Variants in CDKN1B observed in about 807,000 individuals in gnomAD.
The protein encoded by CDKN1B is cyclin dependent kinase inhibitor 1B.
Under a neutral mutation model 17.1 loss-of-function variants are expected in CDKN1B, and 7 were observed. That is an observed-to-expected ratio of 0.41 (90% CI 0.23 to 0.77). CDKN1B has a LOEUF of 0.77. Ranked by LOEUF, CDKN1B falls within the 30% of genes least tolerant of loss-of-function variation. The pLI is 0.33. For synonymous variants in CDKN1B, 149 were observed against 104.3 expected, an observed-to-expected ratio of 1.43 and a Z score of -2.61; for missense variants, 337 against 262.0, an observed-to-expected ratio of 1.29 and a Z score of -1.98.
In CDKN1B at chr12:12,717,895, G is replaced by A. The variant is rs1946487134; in HGVS notation, c.56G>A (p.Arg19Lys). The A allele has an allele frequency of 6.2e-7, 1 of 1,614,088 alleles. No individual in the cohort carries two copies. Among genetic ancestry groups the A allele is most frequent in the Non-Finnish European group, 8.5e-7 (1 of 1,180,032 alleles). Residue 19 changes from arginine to lysine, a missense_variant, in exon 1 of 3, where the codon AGG becomes AAG. Physicochemically the swap from Arg to Lys is conservative, Grantham distance 26. Transcript: ENST00000228872. Reference sequence around the variant, plus strand: ...CCTAGCCTGGAGCGGATGGACGCCAGGCAGGCGGAGCACCCCAAGCCCTCG... The same window carrying A: ...CCTAGCCTGGAGCGGATGGACGCCAAGCAGGCGGAGCACCCCAAGCCCTCG... The part of the protein sequence containing the change: ...GSPSLERMDA[R>K]QAEHPKPSAC...
chr12:12,717,693 G>A lies in CDKN1B; in HGVS notation c.-147G>A. ...CCTGCGCGCTCCTAGAGCTCGGGCC[G>A]TGGCTCGTCGGGGTCTGTGTCTTTT... On this transcript the variant is annotated 5_prime_UTR_variant, in exon 1 of 3. It adds an upstream start codon to the 5' untranslated region. Coordinates refer to ENST00000228872, the MANE Select transcript of CDKN1B (RefSeq NM_004064.5). 2 of 1,536,426 alleles carry A rather than the reference G, an allele frequency of 1.3e-6. No individual in the cohort carries two copies. The highest frequency in any genetic ancestry group is 1.7e-6 in the Non-Finnish European group (2 of 1,149,600).
In CDKN1B at chr12:12,718,038, C is replaced by G. The variant is rs867208075; in HGVS notation, c.199C>G (p.His67Asp). Residue 67 changes from histidine (H) to aspartate (D), a missense_variant, in exon 1 of 3, where the codon CAC becomes GAC. Coordinates refer to ENST00000228872, the MANE Select transcript of CDKN1B (RefSeq NM_004064.5). ...CAAGTGGAATTTCGATTTTCAGAAT[C>G]ACAAACCCCTAGAGGGCAAGTACGA... ...QRKWNFDFQN[H>D]KPLEGKYEWQ... The G allele has an allele frequency of 3.7e-6, 6 of 1,614,248 alleles. No homozygotes were observed. The Middle Eastern group carries it at 6.6e-4, about 178-fold the overall frequency.
chr12:12,719,140 A>T, intron 2 of CDKN1B, 186 bp downstream of exon 2: 1 of 672,102 alleles, frequency 1.5e-6, no homozygotes, highest in East Asian at 2.9e-5. Context: ...TTCTATGCCC[A>T]GAGATACTTT....
chr12:12,718,368 G>A (rs1946502026), intron 1 of CDKN1B, 54 bp downstream of exon 1: 2 of 1,490,938 alleles, frequency 1.3e-6, no homozygotes. Flanking sequence ...TTTGCCTGCT[G>A]GAGGGTGTTA....
intron 2 of CDKN1B, 145 bp downstream of exon 2, chr12:12,719,099 G>A: frequency 1.1e-6 from 1 of 909,322 alleles, no homozygotes. Context: ...TAGCAATGGG[G>A]AAGGCTGGGG....
chr12:12,718,404 C>G, intron 1 of CDKN1B, 90 bp downstream of exon 1: 1 of 1,199,922 alleles, frequency 8.3e-7, no homozygotes, highest in South Asian at 1.3e-5. Context: ...TCGGCGTATT[C>G]TGATTTAGCT....
At position 12,721,662 on chromosome 12, in the gene CDKN1B, C is replaced by T. The variant is rs1369364588; in HGVS notation, c.*635C>T. 6.6e-6 allele frequency: 1 copy of T among 152,492 alleles called. No individual in the cohort carries two copies. The highest frequency in any genetic ancestry group is 6.5e-5 in the Admixed American group (1 of 15,296). 9.4% of individuals were successfully genotyped at this position (152,492 alleles called of 1,614,324 possible). The stretch of plus-strand genomic sequence containing the variant: ...TAAAAAAGCAACAGAAACCTATCCT[C>T]ACTGCCCTCCCCAGTCTCTCTTAAA... On this transcript the variant is annotated 3_prime_UTR_variant, in exon 3 of 3. Transcript: ENST00000228872.
At chr12:12,718,776 T>G (rs1565419948) in intron 1 of CDKN1B, 49 bp from the exon 2 acceptor site, 1 of 1,611,824 alleles carries the variant, frequency 6.2e-7, no homozygotes, top group South Asian at 1.1e-5. Context: ...GCCATTGTTT[T>G]TTCTAATAAA....
In CDKN1B at chr12:12,722,150, A is replaced by C. The variant is rs1445668056; in HGVS notation, c.*1123A>C. ...ATTATACTAACTTATTTATGTTAAAAGATTTTTTTTAATCTAGACAATATA... is the reference window on the plus strand; with the variant it reads ...ATTATACTAACTTATTTATGTTAAACGATTTTTTTTAATCTAGACAATATA... On this transcript the variant is annotated 3_prime_UTR_variant, in exon 3 of 3. Transcript: ENST00000228872. 1 of 152,626 alleles carries C rather than the reference A, an allele frequency of 6.6e-6. No individual in the cohort carries two copies. Among genetic ancestry groups the C allele is most frequent in the African/African-American group, 2.4e-5 (1 of 41,456 alleles). 9.5% of individuals were successfully genotyped at this position (152,626 alleles called of 1,614,324 possible).
At chr12:12,718,362 C>A (rs1188124810) in intron 1 of CDKN1B, 48 bp downstream of exon 1, 6 of 1,519,292 alleles carry the variant, frequency 3.9e-6, no homozygotes, top group Non-Finnish European at 5.4e-6. Context: ...CCCCGCTTTG[C>A]CTGCTGGAGG....
chr12:12,717,907 A>T lies in CDKN1B; in HGVS notation c.68A>T (p.His23Leu). 6.2e-7 allele frequency: 1 copy of T among 1,613,914 alleles called. No homozygotes were observed. The highest frequency in any genetic ancestry group is 8.5e-7 in the Non-Finnish European group (1 of 1,180,018). ...CGGATGGACGCCAGGCAGGCGGAGC[A>T]CCCCAAGCCCTCGGCCTGCAGGAAC... ...LERMDARQAE[H>L]PKPSACRNLF... The change falls in exon 1 of 3, where the codon CAC becomes CTC. Residue 23 changes from histidine to leucine, a missense_variant. His to Leu is a moderately conservative substitution (Grantham distance 99, BLOSUM62 -3). Coordinates refer to ENST00000228872, the MANE Select transcript of CDKN1B (RefSeq NM_004064.5).
At chr12:12,719,111 T>G in intron 2 of CDKN1B, 157 bp downstream of exon 2, 1 of 829,726 alleles carries the variant, frequency 1.2e-6, no homozygotes, top group South Asian at 1.6e-5. Flanking sequence ...AGGCTGGGGA[T>G]ACGGTAATTC....
rs1327001224 is a variant in CDKN1B at position 12,717,703 on chromosome 12, G to C, written c.-137G>C. On this transcript the variant is annotated 5_prime_UTR_variant, in exon 1 of 3. Transcript: ENST00000228872. Reference sequence around the variant, plus strand: ...CCTAGAGCTCGGGCCGTGGCTCGTCGGGGTCTGTGTCTTTTGGCTCCGAGG... The same window carrying C: ...CCTAGAGCTCGGGCCGTGGCTCGTCCGGGTCTGTGTCTTTTGGCTCCGAGG... 4.8e-5 allele frequency: 75 copies of C among 1,546,540 alleles called. No homozygotes were observed. In the East Asian group the frequency reaches 8.7e-4, roughly 18 times the overall value.
rs751288223 is a variant in CDKN1B, at chr12:12,718,121, C to T, written c.282C>T (p.Pro94=). ...LPEFYYRPPR[P]PKGACKVPAQ... ...AGTTCTACTACAGACCCCCGCGGCC[C>T]CCCAAAGGTGCCTGCAAGGTGCCGG... Residue 94 remains proline, a synonymous_variant, in exon 1 of 3, where the codon CCC becomes CCT. Coordinates refer to ENST00000228872, the MANE Select transcript of CDKN1B (RefSeq NM_004064.5). The T allele has an allele frequency of 1.4e-5, 23 of 1,614,084 alleles. No homozygotes were observed. In the Admixed American group the frequency reaches 1.7e-4, roughly 12 times the overall value.
chr12:12,719,998 C>T (rs777690784), intron 2 of CDKN1B, among the ~76,000 whole-genome samples: 1 of 151,964 alleles, frequency 6.6e-6, no homozygotes, highest in Non-Finnish European at 1.5e-5. Flanking sequence ...TTTTTAAATC[C>T]CCAGTTATAA....
In CDKN1B at chr12:12,721,155, G is replaced by C; in HGVS notation, c.*128G>C. ...TTCATGGAATGGACATCCTGTATAA[G>C]CACTGAAAAACAACAACACAATAAC... On this transcript the variant is annotated 3_prime_UTR_variant, in exon 3 of 3. Transcript: ENST00000228872. 1 of 774,700 alleles carries C rather than the reference G, an allele frequency of 1.3e-6. No homozygotes were observed. The highest frequency in any genetic ancestry group is 1.4e-5 in the South Asian group (1 of 73,198). The allele number at this position is 774,700 out of a possible 1,614,324, so 48.0% of individuals were successfully genotyped here. A position where few individuals can be genotyped will look rare whatever the true frequency, so the allele number is the denominator to read the frequency against.
At chr12:12,718,543 G>T (rs546247340) in intron 1 of CDKN1B, among the ~76,000 whole-genome samples, 9 of 152,198 alleles carry the variant, frequency 5.9e-5, no homozygotes, top group African/African-American at 2.2e-4. Context: ...AATACATCGC[G>T]GTCCCTCTCA....
rs753943702 is a variant in CDKN1B, at chr12:12,718,872, T to C, written c.523T>C (p.Ser175Pro). The change falls in exon 2 of 3, where the codon TCA (serine) becomes CCA (proline). Residue 175 changes from serine (S) to proline (P), a missense_variant. Ser to Pro is a moderately conservative substitution (Grantham distance 74, BLOSUM62 -1). Coordinates refer to ENST00000228872, the MANE Select transcript of CDKN1B (RefSeq NM_004064.5). ...KRANRTEENV[S>P]DGSPNAGSVE... ...AGCCAACAGAACAGAAGAAAATGTT[T>C]CAGACGGTTCCCCAAATGCCGGTTC... is the stretch of plus-strand genomic sequence containing the variant. 2.5e-6 allele frequency: 4 copies of C among 1,614,172 alleles called. No individual in the cohort carries two copies. Among genetic ancestry groups the C allele is most frequent in the African/African-American group, 1.3e-5 (1 of 75,044 alleles).
chr12:12,720,733 T>G (rs1391402257), intron 2 of CDKN1B, among the ~76,000 whole-genome samples: 1 of 152,136 alleles, frequency 6.6e-6, no homozygotes, highest in Non-Finnish European at 1.5e-5. Flanking sequence ...ATGCCAGCAG[T>G]ATCCTCCTCC....
Sources: gnomAD v4.1 joint callset for allele counts (sites outside exome capture counted in the v4.1 genomes callset) on GRCh38, gnomAD v4.1.1 for gene constraint, MANE v1.5 for transcripts, NCBI Gene and HGNC (gene_info 2026-07-23, HGNC 2026-07-21) for gene names.